The following CPSF4 variants were observed in gnomAD, a reference collection of about 807,000 sequenced individuals.
The protein encoded by CPSF4 is cleavage and polyadenylation specificity factor subunit 4.
CPSF4 carries 11 observed loss-of-function variants against 37.7 expected under a neutral mutation model. That is an observed-to-expected ratio of 0.29 (90% CI 0.18 to 0.48). CPSF4 has a LOEUF of 0.48. Among genes scored for constraint, CPSF4 ranks in the 20% least tolerant of loss-of-function variants. CPSF4 has a pLI of 0.99. For missense variants in CPSF4, 144 were observed against 359.5 expected (o/e 0.40, Z 4.85); for synonymous variants, 132 against 135.9 (o/e 0.97, Z 0.20).
chr7:99,439,453 C>G (rs1242823951), intron 1 of CPSF4: 1 of 366,812 alleles, frequency 2.7e-6, no homozygotes, highest in Non-Finnish European at 4.9e-6. Context: ...GAGACCTCCT[C>G]TTCTGGATCC....
Position 99,454,138 on chromosome 7 carries a change from T to C in CPSF4, c.741+2T>C, listed in dbSNP as rs1287451710. ...CTGGAGCAGGTCACCTGTTACAAGG[T>C]GAGTCCCTGGGCTGGGGGACAGGGT... On this transcript the variant is annotated splice_donor_variant, in intron 7 of 7. Transcript: ENST00000292476. LOFTEE classifies it high-confidence loss of function. 4.3e-6 allele frequency: 7 copies of C among 1,612,464 alleles called. No individual in the cohort carries two copies. Among genetic ancestry groups the C allele is most frequent in the Non-Finnish European group, 3.4e-6 (4 of 1,179,002 alleles).
chr7:99,442,836 A>G (rs943469996), intron 1 of CPSF4: 8 of 931,568 alleles, frequency 8.6e-6, no homozygotes, highest in Non-Finnish European at 1.4e-5. Context: ...AAGAAGAATG[A>G]GAGAAGTGGA....
intron 1 of CPSF4, chr7:99,443,167 A>G (rs190540450): frequency 2.0e-5 from 16 of 785,970 alleles, no homozygotes; most frequent in Admixed American, 3.4e-5. Flanking sequence ...TTACTCTCCA[A>G]GCTCACAGGT....
Position 99,448,329 on chromosome 7 carries a change from G to A in CPSF4, c.307+56G>A, listed in dbSNP as rs1584502758. The A allele has an allele frequency of 8.2e-6, 13 of 1,579,608 alleles. No individual in the cohort carries two copies. The highest frequency in any genetic ancestry group is 3.5e-5 in the Admixed American group (2 of 57,584). On this transcript the variant is annotated intron_variant, in intron 3 of 7. Coordinates refer to ENST00000292476, the MANE Select transcript of CPSF4 (RefSeq NM_006693.4). The surrounding 1 kb of genome is among the most constrained non-coding windows in gnomAD (Gnocchi z 4.4). ...TGAGAACCAGGGTGCAGAGGGGTCCGCTGGCTGCTCAGTGCCCACACTGTC... is the reference window on the plus strand; with the variant it reads ...TGAGAACCAGGGTGCAGAGGGGTCCACTGGCTGCTCAGTGCCCACACTGTC...
At chr7:99,443,111 T>A in intron 1 of CPSF4, 1 of 847,846 alleles carries the variant, frequency 1.2e-6, no homozygotes, top group South Asian at 1.3e-5. Flanking sequence ...GACAGACTTT[T>A]GTTGGAACTG....
At chr7:99,456,283 C>A in intron 7 of CPSF4, 149 bp from the exon 8 acceptor site, 1 of 699,332 alleles carries the variant, frequency 1.4e-6, no homozygotes, top group Non-Finnish European at 2.5e-6. Context: ...TTGAAAGAAA[C>A]TCTGTACCAC....
intron 1 of CPSF4, 182 bp downstream of exon 1, chr7:99,439,367 T>C (rs1796671071): frequency 1.9e-6 from 1 of 513,586 alleles, no homozygotes; most frequent in South Asian, 2.6e-5. Context: ...TCCCACCTCC[T>C]CCGGGTCCTG....
chr7:99,439,240 C>A, intron 1 of CPSF4, 55 bp downstream of exon 1: 1 of 1,319,904 alleles, frequency 7.6e-7, no homozygotes, highest in South Asian at 1.3e-5. Flanking sequence ...GGGACCCGCT[C>A]CTCTGTGATC....
chr7:99,445,695 C>T (rs1378054048), intron 2 of CPSF4, among the ~76,000 whole-genome samples: 1 of 152,108 alleles, frequency 6.6e-6, no homozygotes, highest in Non-Finnish European at 1.5e-5. Flanking sequence ...ACCAGCCTGG[C>T]CAACATGGTG....
chr7:99,445,315 G>C (rs1423578984), intron 2 of CPSF4, among the ~76,000 whole-genome samples: 1 of 152,028 alleles, frequency 6.6e-6, no homozygotes, highest in Non-Finnish European at 1.5e-5. Flanking sequence ...CAAAACTACT[G>C]AGGTGCGAGA....
intron 1 of CPSF4, among the ~76,000 whole-genome samples, chr7:99,443,656 C>T (rs575525741): frequency 2.6e-5 from 4 of 152,196 alleles, no homozygotes; most frequent in South Asian, 4.2e-4. Context: ...TGGTGGCTCA[C>T]GTCTATAATC....
chr7:99,456,337 A>C (rs887747730), intron 7 of CPSF4, 95 bp from the exon 8 acceptor site: 1 of 1,061,280 alleles, frequency 9.4e-7, no homozygotes, highest in Admixed American at 1.9e-5. Flanking sequence ...TTGGTGGATG[A>C]TTTGGGATTT....
intron 7 of CPSF4, 133 bp from the exon 8 acceptor site, chr7:99,456,299 A>T: frequency 1.3e-6 from 1 of 756,274 alleles, no homozygotes; most frequent in Non-Finnish European, 2.3e-6. Context: ...ACCACTGAGA[A>T]TTTCAGAGTC....
At chr7:99,449,675 C>G (rs953431761) in intron 3 of CPSF4, among the ~76,000 whole-genome samples, 2 of 152,116 alleles carry the variant, frequency 1.3e-5, no homozygotes, top group Non-Finnish European at 2.9e-5. Flanking sequence ...AGCTGATAGG[C>G]CATGAGACGA....
chr7:99,452,675 C>A, intron 6 of CPSF4: 1 of 519,946 alleles, frequency 1.9e-6, no homozygotes, highest in Admixed American at 3.3e-5. Flanking sequence ...CAGACACAGT[C>A]CAGGCGCCGT....
In CPSF4 at chr7:99,448,002, G is replaced by A. The variant is rs1011567151; in HGVS notation, c.155-119G>A. On this transcript the variant is annotated intron_variant, in intron 2 of 7. Coordinates refer to ENST00000292476, the MANE Select transcript of CPSF4 (RefSeq NM_006693.4). The surrounding 1 kb of genome is among the most constrained non-coding windows in gnomAD (Gnocchi z 4.4). ...GGGGACCTCTGCCCCTTTCCAGGAC[G>A]TGATGCCTTCAGGTGGCTCCAGGAG... The A allele has an allele frequency of 8.7e-6, 8 of 919,604 alleles. No individual in the cohort carries two copies. Among genetic ancestry groups the A allele is most frequent in the South Asian group, 4.7e-5 (3 of 64,008 alleles). The allele number at this position is 919,604 out of a possible 1,614,324, so 57.0% of individuals were successfully genotyped here.
At position 99,438,976 on chromosome 7, in the gene CPSF4, A is replaced by C; in HGVS notation, c.-107A>C. 133 of 1,211,994 alleles carry C rather than the reference A, an allele frequency of 1.1e-4. No homozygotes were observed. Among genetic ancestry groups the C allele is most frequent in the East Asian group, 4.4e-4 (11 of 24,888 alleles). 75.1% of individuals were successfully genotyped at this position (1,211,994 alleles called of 1,614,324 possible). ...TCGGGCGGCGGCGGCGGCGGCGGCGAGGCGAAGCGAAGGAGGAGTGTGTGC... is the reference window on the plus strand; with the variant it reads ...TCGGGCGGCGGCGGCGGCGGCGGCGCGGCGAAGCGAAGGAGGAGTGTGTGC... On this transcript the variant is annotated 5_prime_UTR_variant, in exon 1 of 8. Coordinates refer to ENST00000292476, the MANE Select transcript of CPSF4 (RefSeq NM_006693.4).
At chr7:99,452,327 T>C in intron 5 of CPSF4, 41 bp from the exon 6 acceptor site, 1 of 1,560,072 alleles carries the variant, frequency 6.4e-7, no homozygotes, top group Non-Finnish European at 8.8e-7. Flanking sequence ...CTGACCCCAC[T>C]CCTTCTCTTG....
chr7:99,443,966 C>T (rs1324181252), intron 1 of CPSF4, among the ~76,000 whole-genome samples: 1 of 152,110 alleles, frequency 6.6e-6, no homozygotes, highest in African/African-American at 2.4e-5. Flanking sequence ...ATATTAAAAG[C>T]AGTCCTCTGT....
Sources: allele counts gnomAD v4.1 joint callset (sites outside exome capture counted in the v4.1 genomes callset), GRCh38; gene constraint gnomAD v4.1.1; non-coding constraint Gnocchi (gnomAD v3.1); transcripts MANE v1.5; gene names NCBI Gene and HGNC (gene_info 2026-07-23, HGNC 2026-07-21).